Variants in LUZP2 observed in about 807,000 individuals in gnomAD.
The protein encoded by LUZP2 is leucine zipper protein 2.
LUZP2 carries 52 observed loss-of-function variants against 51.6 expected under a neutral mutation model. The ratio of observed to expected loss-of-function variants is 1.01; its 90% confidence interval spans 0.81 to 1.27. The LOEUF (loss-of-function observed/expected upper bound fraction) is 1.27, where lower values mean the gene tolerates loss of function less well. LUZP2 is among the 50% of genes most tolerant of loss of function. The probability of loss-of-function intolerance (pLI) is 0.00; values close to 1 mark genes in which losing one functional copy is unlikely to be tolerated. For missense variants in LUZP2, 436 were observed against 395.4 expected (o/e 1.10, Z -0.87); for synonymous variants, 154 against 137.3 (o/e 1.12, Z -0.85).
intron 1 of LUZP2, among the ~76,000 whole-genome samples, chr11:24,700,116 C>T (rs577287532): frequency 1.5e-5 from 2 of 132,426 alleles, no homozygotes; most frequent in Admixed American, 9.3e-5. Flanking sequence ...GGCTGGAGTG[C>T]AGTGGTGCAA....
intron 7 of LUZP2, among the ~76,000 whole-genome samples, chr11:24,933,100 T>C (rs1336694764): frequency 6.6e-6 from 1 of 152,232 alleles, no homozygotes. Flanking sequence ...GCTTCCCCAG[T>C]GAGGATGTGT....
intron 9 of LUZP2, among the ~76,000 whole-genome samples, chr11:25,018,091 C>T (rs1857214841): frequency 7.4e-6 from 1 of 134,242 alleles, no homozygotes; most frequent in South Asian, 2.3e-4. Context: ...GAGTTCTTGA[C>T]TTCTTGATTT....
intron 1 of LUZP2, among the ~76,000 whole-genome samples, chr11:24,648,874 C>G (rs536490940): frequency 6.6e-6 from 1 of 151,900 alleles, no homozygotes; most frequent in African/African-American, 2.4e-5. Flanking sequence ...TGGCAAAACC[C>G]GCAATTACTT....
chr11:24,976,545 G>A, intron 7 of LUZP2, 46 bp from the exon 8 acceptor site: 2 of 1,329,506 alleles, frequency 1.5e-6, no homozygotes, highest in Non-Finnish European at 2.1e-6. Context: ...AAAGTACAGA[G>A]GGAAATTGCA....
chr11:25,045,823 G>A (rs1858288499), intron 9 of LUZP2, among the ~76,000 whole-genome samples: 1 of 152,022 alleles, frequency 6.6e-6, no homozygotes, highest in African/African-American at 2.4e-5. Context: ...TTATTGACTT[G>A]ATTCCCTGTA....
At chr11:24,878,140 A>T (rs1852336888) in intron 5 of LUZP2, among the ~76,000 whole-genome samples, 4 of 142,738 alleles carry the variant, frequency 2.8e-5, no homozygotes, top group African/African-American at 7.7e-5. Flanking sequence ...ATTACCAGTA[A>T]GTTTTGTACC....
At chr11:24,874,374 T>C (rs1852181534) in intron 5 of LUZP2, among the ~76,000 whole-genome samples, 1 of 152,156 alleles carries the variant, frequency 6.6e-6, no homozygotes, top group African/African-American at 2.4e-5. Context: ...GGCTTTATTA[T>C]ATGCCACCTC....
At chr11:24,970,106 T>C (rs1855701171) in intron 7 of LUZP2, among the ~76,000 whole-genome samples, 1 of 152,172 alleles carries the variant, frequency 6.6e-6, no homozygotes, top group Non-Finnish European at 1.5e-5. Context: ...CTTCTGTGTC[T>C]CTGGTAGGTT....
chr11:24,639,227 T>G (rs1855202201), intron 1 of LUZP2, among the ~76,000 whole-genome samples: 1 of 151,926 alleles, frequency 6.6e-6, no homozygotes, highest in African/African-American at 2.4e-5. Flanking sequence ...TTTTGCATTT[T>G]ACATTTTCAC....
intron 10 of LUZP2, among the ~76,000 whole-genome samples, chr11:25,056,440 A>G (rs1858685994): frequency 6.6e-6 from 1 of 152,128 alleles, no homozygotes; most frequent in African/African-American, 2.4e-5. Flanking sequence ...GACCCCATGC[A>G]GTCTCTCAGT....
intron 7 of LUZP2, among the ~76,000 whole-genome samples, chr11:24,966,033 A>T (rs1019612390): frequency 6.6e-6 from 1 of 151,926 alleles, no homozygotes; most frequent in African/African-American, 2.4e-5. Context: ...ATAAGATAGT[A>T]CACTTAAGTT....
intron 1 of LUZP2, among the ~76,000 whole-genome samples, chr11:24,597,445 G>T (rs776078842): frequency 6.6e-6 from 1 of 152,126 alleles, no homozygotes. Flanking sequence ...ACATTCAAAG[G>T]TTCAGTGTTT....
chr11:24,875,638 A>G (rs1359886744), intron 5 of LUZP2, among the ~76,000 whole-genome samples: 1 of 150,314 alleles, frequency 6.7e-6, no homozygotes, highest in Non-Finnish European at 1.5e-5. Context: ...TGGCTGGGTC[A>G]AATGGTATTT....
chr11:25,027,685 G>A (rs1565249342), intron 9 of LUZP2, among the ~76,000 whole-genome samples: 2 of 151,840 alleles, frequency 1.3e-5, no homozygotes, highest in Non-Finnish European at 2.9e-5. Context: ...GCCTGGCCAA[G>A]ATGGTGAAAC....
intron 1 of LUZP2, among the ~76,000 whole-genome samples, chr11:24,570,761 C>A (rs2133799424): frequency 6.6e-6 from 1 of 152,078 alleles, no homozygotes; most frequent in Non-Finnish European, 1.5e-5. Context: ...TCTAAGAAAG[C>A]TAATGGGGAA....
At chr11:24,870,883 G>C (rs2134266699) in intron 5 of LUZP2, among the ~76,000 whole-genome samples, 1 of 152,070 alleles carries the variant, frequency 6.6e-6, no homozygotes, top group East Asian at 1.9e-4. Context: ...TAAATGTAAG[G>C]AGAAAAATGA....
chr11:24,504,619 A>C (rs1850095827), intron 1 of LUZP2, among the ~76,000 whole-genome samples: 1 of 152,172 alleles, frequency 6.6e-6, no homozygotes, highest in Non-Finnish European at 1.5e-5. Context: ...GAATATGCTA[A>C]GATGTGTTCA....
At chr11:24,612,139 G>A (rs780281731) in intron 1 of LUZP2, among the ~76,000 whole-genome samples, 13 of 152,096 alleles carry the variant, frequency 8.5e-5, no homozygotes, top group Admixed American at 3.3e-4. Flanking sequence ...ATTAAATTTA[G>A]CATAGAATTG....
chr11:24,895,079 G>C (rs1277236146), intron 5 of LUZP2, among the ~76,000 whole-genome samples: 2 of 152,136 alleles, frequency 1.3e-5, no homozygotes, highest in Non-Finnish European at 2.9e-5. Flanking sequence ...TTAATCCCTT[G>C]AAAGTCAGTC....
Sources: allele counts gnomAD v4.1 joint callset (sites outside exome capture counted in the v4.1 genomes callset), GRCh38; gene constraint gnomAD v4.1.1; transcripts MANE v1.5; gene names NCBI Gene and HGNC (gene_info 2026-07-23, HGNC 2026-07-21).